FCGR3B: variants seen among roughly 807,000 people sequenced by gnomAD.
The protein encoded by FCGR3B is Fc gamma receptor IIIb, also known as low affinity immunoglobulin gamma Fc region receptor III-B.
A neutral mutation model predicts 26.7 loss-of-function variants in FCGR3B; 20 were observed. The observed-to-expected ratio is 0.75, with a 90% CI of 0.53 to 1.09. FCGR3B has a LOEUF of 1.09. Among genes scored for constraint, FCGR3B ranks in the 50% least tolerant of loss-of-function variants. The pLI is 0.00. For missense variants in FCGR3B, 191 were observed against 279.7 expected (o/e 0.68, Z 2.26); for synonymous variants, 79 against 107.0 (o/e 0.74, Z 1.62).
Position 161,628,773 on chromosome 1 carries a change from G to T in FCGR3B, c.319+1005C>A, listed in dbSNP as rs191352672. Among the ~76,000 whole-genome samples, 44 of 146,492 alleles carry T rather than the reference G, an allele frequency of 3.0e-4. No homozygotes were observed. The East Asian group carries it at 8.5e-3, about 28-fold the overall frequency. On this transcript the variant is annotated intron_variant, in intron 3 of 4. Transcript: ENST00000650385. ...TGGAACAGCCGTGGAAGTAGAATTA[G>T]GTTTGCAGGGCGACACTGCAGGGAC...
chr1:161,626,386 C>A lies in FCGR3B; in HGVS notation c.336G>T (p.Gln112His), dbSNP rs748192789. The A allele has an allele frequency of 1.2e-6, 2 of 1,609,110 alleles. No homozygotes were observed. Among genetic ancestry groups the A allele is most frequent in the African/African-American group, 2.7e-5 (2 of 73,394 alleles). ...LEVHIGWLLLQAPRWVFKEED... is the reference protein window; with the variant it reads ...LEVHIGWLLLHAPRWVFKEED... ...CCTCCTTGAACACCCACCGAGGGGC[C>A]TGGAGCAACAGCCAGCCTGAAAGAC... is the stretch of plus-strand genomic sequence containing the variant. The change falls in exon 4 of 5, where the codon CAG becomes CAT. Residue 112 changes from glutamine (Q) to histidine (H), a missense_variant. Transcript: ENST00000650385.
intron 3 of FCGR3B, among the ~76,000 whole-genome samples, chr1:161,627,578 A>T (rs1469170016): frequency 6.6e-6 from 1 of 150,496 alleles, no homozygotes; most frequent in Non-Finnish European, 1.5e-5. Context: ...CTATTAAGAG[A>T]TATCATTTAT....
Position 161,623,238 on chromosome 1 carries a change from A to C in FCGR3B, c.*1277T>G, listed in dbSNP as rs1679291748. On this transcript the variant is annotated 3_prime_UTR_variant, in exon 5 of 5. Coordinates refer to ENST00000650385, the MANE Select transcript of FCGR3B (RefSeq NM_001244753.2). ...TATTACCATGGTTTTGCCATCTTCTATCTAAGAGTAGCATGCAAGATCTTG... is the reference window on the plus strand; with the variant it reads ...TATTACCATGGTTTTGCCATCTTCTCTCTAAGAGTAGCATGCAAGATCTTG... 6.7e-6 allele frequency: 1 copy of C among 150,144 alleles called. No homozygotes were observed. The highest frequency in any genetic ancestry group is 2.1e-4 in the South Asian group (1 of 4,714). The allele number at this position is 150,144 out of a possible 1,614,324, so 9.3% of individuals were successfully genotyped here.
At position 161,623,804 on chromosome 1, in the gene FCGR3B, T is replaced by C. The variant is rs376105479; in HGVS notation, c.*711A>G. The C allele has an allele frequency of 1.0e-4, 14 of 139,298 alleles. No individual in the cohort carries two copies. Among genetic ancestry groups the C allele is most frequent in the African/African-American group, 3.8e-4 (14 of 37,074 alleles). 8.6% of individuals were successfully genotyped at this position (139,298 alleles called of 1,614,324 possible). On this transcript the variant is annotated 3_prime_UTR_variant, in exon 5 of 5. Coordinates refer to ENST00000650385, the MANE Select transcript of FCGR3B (RefSeq NM_001244753.2). ...GGACTCATCGTTATATACTTGGAAA[T>C]GGTCCAGTTCTGATAGAGTCCCCTG...
chr1:161,629,987 A>G lies in FCGR3B; in HGVS notation c.110T>C (p.Val37Ala). The change falls in exon 3 of 5, where the codon GTG becomes GCG. Residue 37 changes from valine to alanine, a missense_variant. By Grantham distance (64) the Val-to-Ala change is moderately conservative (BLOSUM62 0). Transcript: ENST00000650385. The stretch of plus-strand genomic sequence containing the variant: ...CAGAGTCACACTGTCCTTCTCAAGC[A>G]CGCTGTACCATTGAGGCTCCAGGAA... Reference protein sequence around the residue: ...VVFLEPQWYSVLEKDSVTLKC... With the variant: ...VVFLEPQWYSALEKDSVTLKC... 1 of 1,380,470 alleles carries G rather than the reference A, an allele frequency of 7.2e-7. No homozygotes were observed. Among genetic ancestry groups the G allele is most frequent in the Non-Finnish European group, 9.6e-7 (1 of 1,039,036 alleles). The allele number at this position is 1,380,470 out of a possible 1,614,324, so 85.5% of individuals were successfully genotyped here. A position where few individuals can be genotyped will look rare whatever the true frequency, so the allele number is the denominator to read the frequency against.
At chr1:161,626,802 A>C (rs1679485611) in intron 3 of FCGR3B, among the ~76,000 whole-genome samples, 1 of 150,380 alleles carries the variant, frequency 6.6e-6, no homozygotes, top group Non-Finnish European at 1.5e-5. Context: ...GAGTTGCTCT[A>C]TTAGAGGAAA....
chr1:161,630,830 A>C (rs1679708974), intron 1 of FCGR3B: 1 of 1,019,452 alleles, frequency 9.8e-7, no homozygotes, highest in African/African-American at 1.7e-5. Flanking sequence ...TGGGACCCAG[A>C]GGGGTGAAGT....
At position 161,624,573 on chromosome 1, in the gene FCGR3B, A is replaced by G. The variant is rs1679368133; in HGVS notation, c.644T>C (p.Met215Thr). The change falls in exon 5 of 5, where the codon ATG (methionine) becomes ACG (threonine). Residue 215 changes from methionine (M) to threonine (T), a missense_variant. Physicochemically the swap from Met to Thr is moderately conservative, Grantham distance 81. Transcript: ENST00000650385. ...TGTGTCCACTGCAAAAAGGAGTACC[A>G]TCACCAAGCAGAAAGAGACTTGGTA... ...PGYQVSFCLVMVLLFAVDTGL... is the reference protein window; with the variant it reads ...PGYQVSFCLVTVLLFAVDTGL... 1 of 1,606,586 alleles carries G rather than the reference A, an allele frequency of 6.2e-7. No homozygotes were observed. The highest frequency in any genetic ancestry group is 1.7e-5 in the Admixed American group (1 of 59,420).
Position 161,631,176 on chromosome 1 carries a change from C to A in FCGR3B, c.-82G>T. On this transcript the variant is annotated 5_prime_UTR_variant, in exon 1 of 5. Transcript: ENST00000650385. ...AGCCGACTAGACAGGAGGGAGTAAA[C>A]AGCCTTTCCCCAGTCCCTCCACCCA... is the stretch of plus-strand genomic sequence containing the variant. The A allele has an allele frequency of 6.2e-7, 1 of 1,606,000 alleles. No individual in the cohort carries two copies.
upstream of FCGR3B, chr1:161,631,343 T>C (rs61803027): frequency 0.99 from 793,473 of 800,246 alleles, 394,013 homozygotes; most frequent in East Asian, 1. Context: ...CCCTTTACTC[T>C]CCCAAAGGTC....
At chr1:161,626,040 A>C in intron 4 of FCGR3B, 105 bp downstream of exon 4, 2 of 1,349,786 alleles carry the variant, frequency 1.5e-6, no homozygotes, top group Non-Finnish European at 2.0e-6. Context: ...CATATGAAGA[A>C]GTGCGTGTAA....
intron 3 of FCGR3B, 67 bp from the exon 4 acceptor site, chr1:161,626,469 G>A (rs1679472530): frequency 5.5e-6 from 8 of 1,444,930 alleles, no homozygotes; most frequent in Non-Finnish European, 7.5e-6. Context: ...TTGTGAAGGG[G>A]CCACGTACCA....
At position 161,630,399 on chromosome 1, in the gene FCGR3B, A is replaced by C. The variant is rs111402007; in HGVS notation, c.41-11T>G. Reference sequence around the variant, plus strand: ...GCATGCCAGCTGAAACTGCAAGAAAAAAGAGTAAATCAAATATTGAGTAGG... The same window carrying C: ...GCATGCCAGCTGAAACTGCAAGAAACAAGAGTAAATCAAATATTGAGTAGG... On this transcript the variant is annotated splice_polypyrimidine_tract_variant and intron_variant, in intron 1 of 4. Coordinates refer to ENST00000650385, the MANE Select transcript of FCGR3B (RefSeq NM_001244753.2). 74,291 of 1,594,134 alleles carry C rather than the reference A, an allele frequency of 0.047. 1,115 individuals carry two copies. Among genetic ancestry groups the C allele is most frequent in the Middle Eastern group, 0.095 (569 of 5,996 alleles).
rs1410340524 is a variant in FCGR3B at position 161,626,130 on chromosome 1, T to C, written c.577+15A>G. 6.2e-7 allele frequency: 1 copy of C among 1,605,836 alleles called. No homozygotes were observed. The highest frequency in any genetic ancestry group is 8.5e-7 in the Non-Finnish European group (1 of 1,176,356). ...ACAGGCGTCCCTGGGCATTCCAGGG[T>C]GGCACATGTCTCACCTTGAGTGATG... On this transcript the variant is annotated intron_variant, in intron 4 of 4. Transcript: ENST00000650385.
chr1:161,625,220 C>T lies in FCGR3B; in HGVS notation c.578-581G>A, dbSNP rs576608283. On this transcript the variant is annotated intron_variant, in intron 4 of 4. Coordinates refer to ENST00000650385, the MANE Select transcript of FCGR3B (RefSeq NM_001244753.2). ...TTATGGCATTGTGGTGTCAAAATCT[C>T]AAAAGGTGTTTTGCTGCCTTTCTAC... Among the ~76,000 whole-genome samples the T allele has an allele frequency of 5.3e-4, 52 of 98,848 alleles. 1 individual carries two copies. Among genetic ancestry groups the T allele is most frequent in the African/African-American group, 1.9e-3 (52 of 26,776 alleles). The allele number at this position is 98,848 out of a possible 152,430, so 64.8% of individuals were successfully genotyped here.
intron 3 of FCGR3B, among the ~76,000 whole-genome samples, chr1:161,628,271 T>TCAAAAA (rs1296433243): frequency 3.3e-5 from 5 of 149,768 alleles, no homozygotes; most frequent in Admixed American, 6.7e-5. Context: ...AAACTCTGTC[T>TCAAAAA]CAAAAACAAA....
chr1:161,626,735 G>A (rs1014632089), intron 3 of FCGR3B, among the ~76,000 whole-genome samples: 3 of 149,796 alleles, frequency 2.0e-5, no homozygotes, highest in African/African-American at 7.5e-5. Flanking sequence ...GCTGTGGCAG[G>A]TGACAAGGAT....
Position 161,627,532 on chromosome 1 carries a change from A to T in FCGR3B, c.320-1130T>A, listed in dbSNP as rs368757627. On this transcript the variant is annotated intron_variant, in intron 3 of 4. Transcript: ENST00000650385. ...CGTGTGTTGGTCATGATTCTCTAAC[A>T]CAAAGATTTGCCAAACAGAAAGTAA... Among the ~76,000 whole-genome samples, 5 of 150,740 alleles carry T rather than the reference A, an allele frequency of 3.3e-5. 1 individual carries two copies.
At position 161,626,354 on chromosome 1, in the gene FCGR3B, G is replaced by A. The variant is rs1402977562; in HGVS notation, c.368C>T (p.Pro123Leu). The A allele has an allele frequency of 3.7e-6, 6 of 1,608,718 alleles. No individual in the cohort carries two copies. The highest frequency in any genetic ancestry group is 1.6e-4 in the Middle Eastern group (1 of 6,066). ...CCAGCTGTGACACCTCAGGTGAATA[G>A]GGTCTTCCTCCTTGAACACCCACCG... Reference protein sequence around the residue: ...APRWVFKEEDPIHLRCHSWKN... With the variant: ...APRWVFKEEDLIHLRCHSWKN... The change falls in exon 4 of 5, where the codon CCT becomes CTT. Residue 123 changes from proline to leucine, a missense_variant. Pro to Leu is a moderately conservative substitution (Grantham distance 98). Around this residue, in one of 2 missense-constraint regions of FCGR3B, gnomAD observed 88 missense variants for 165.2 expected, o/e 0.53. Transcript: ENST00000650385.
Sources: gnomAD v4.1 joint callset for allele counts (sites outside exome capture counted in the v4.1 genomes callset) on GRCh38, gnomAD v4.1.1 for gene constraint, gnomAD v4.1.1 regional missense constraint, MANE v1.5 for transcripts, NCBI Gene and HGNC (gene_info 2026-07-23, HGNC 2026-07-21) for gene names.